The following GRIK2 variants were observed in gnomAD, a reference collection of about 807,000 sequenced individuals.
GRIK2 encodes the protein glutamate receptor ionotropic, kainate 2.
In GRIK2, 32 loss-of-function variants were observed where a neutral mutation model predicts 100.3. The ratio of observed to expected loss-of-function variants is 0.32; its 90% confidence interval spans 0.24 to 0.43. The LOEUF (loss-of-function observed/expected upper bound fraction) is 0.43, where lower values mean the gene tolerates loss of function less well. Among genes scored for constraint, GRIK2 ranks in the 20% least tolerant of loss-of-function variants. GRIK2 has a pLI of 1.00. For synonymous variants in GRIK2, 417 were observed against 389.4 expected, an observed-to-expected ratio of 1.07 and a Z score of -0.83; for missense variants, 843 against 1,114.9, an observed-to-expected ratio of 0.76 and a Z score of 3.47.
intron 7 of GRIK2, among the ~76,000 whole-genome samples, chr6:101,774,710 A>G (rs1778631966): frequency 6.6e-6 from 1 of 152,186 alleles, no homozygotes; most frequent in Admixed American, 6.5e-5. Flanking sequence ...AATCATTTAT[A>G]TTTAAAAAGT....
intron 4 of GRIK2, among the ~76,000 whole-genome samples, chr6:101,667,203 G>C (rs1032830753): frequency 6.6e-6 from 1 of 152,110 alleles, no homozygotes; most frequent in African/African-American, 2.4e-5. Flanking sequence ...CTACAAAAGG[G>C]TGTCTAGTTA....
At chr6:101,479,824 A>G (rs1172914931) in intron 2 of GRIK2, among the ~76,000 whole-genome samples, 2 of 152,128 alleles carry the variant, frequency 1.3e-5, no homozygotes, top group African/African-American at 4.8e-5. Flanking sequence ...GTCATTTTCA[A>G]TGTTTCTTTA....
At chr6:101,669,378 C>T (rs1420946948) in intron 4 of GRIK2, among the ~76,000 whole-genome samples, 6 of 152,040 alleles carry the variant, frequency 3.9e-5, no homozygotes, top group East Asian at 1.9e-4. Flanking sequence ...CAAATCAAAG[C>T]GTCCATTGAT....
chr6:101,850,884 G>T lies in GRIK2; in HGVS notation c.1318-8403G>T, dbSNP rs527866881. Among the ~76,000 whole-genome samples the T allele has an allele frequency of 1.6e-4, 25 of 152,078 alleles. No individual in the cohort carries two copies. In the South Asian group the frequency reaches 4.1e-3, roughly 25 times the overall value. On this transcript the variant is annotated intron_variant, in intron 10 of 16. Coordinates refer to ENST00000369134, the MANE Select transcript of GRIK2 (RefSeq NM_021956.5). ...GAACTTGGTATGTGATGCAGTAATT[G>T]CTTTTGGTACCATTTTTCTTCTCTT...
Position 102,025,317 on chromosome 6 carries a change from C to T in GRIK2, c.2086-10024C>T, listed in dbSNP as rs1769636453. On this transcript the variant is annotated intron_variant, in intron 14 of 16. Coordinates refer to ENST00000369134, the MANE Select transcript of GRIK2 (RefSeq NM_021956.5). ...TCCTTGCATTAATGGAGGTTTTCTT[C>T]TAGTAGGAAGAGAGAGAAATTGAAC... 4.0e-5 allele frequency among the ~76,000 whole-genome samples: 6 copies of T among 150,604 alleles called. No homozygotes were observed. The South Asian group carries it at 1.2e-3, about 31-fold the overall frequency.
At chr6:101,407,797 A>G (rs951725730) in intron 2 of GRIK2, among the ~76,000 whole-genome samples, 2 of 152,188 alleles carry the variant, frequency 1.3e-5, no homozygotes, top group Non-Finnish European at 2.9e-5. Context: ...GTTAAAGAGA[A>G]AAGATATGTA....
chr6:101,903,542 G>A (rs1323221174), intron 12 of GRIK2, among the ~76,000 whole-genome samples: 1 of 151,674 alleles, frequency 6.6e-6, no homozygotes, highest in Non-Finnish European at 1.5e-5. Flanking sequence ...GTAAGTGCAA[G>A]TATTTCATGT....
intron 7 of GRIK2, among the ~76,000 whole-genome samples, chr6:101,688,840 T>C (rs540476380): frequency 3.9e-4 from 60 of 152,072 alleles, no homozygotes; most frequent in African/African-American, 1.4e-3. Context: ...TGCAGATTGA[T>C]TTTGTTTTTA....
At chr6:101,604,277 TATAAC>T (rs1187127127) in intron 2 of GRIK2, among the ~76,000 whole-genome samples, 4 of 151,690 alleles carry the variant, frequency 2.6e-5, no homozygotes, top group African/African-American at 7.2e-5. Context: ...AAAATAGAAA[TATAAC>T]ATATAATATA....
chr6:101,571,994 A>G (rs1777561227), intron 2 of GRIK2, among the ~76,000 whole-genome samples: 1 of 152,134 alleles, frequency 6.6e-6, no homozygotes, highest in South Asian at 2.1e-4. Flanking sequence ...TCTTCAAACC[A>G]GTGTTCTTAT....
intron 7 of GRIK2, among the ~76,000 whole-genome samples, chr6:101,768,139 A>G (rs1778151084): frequency 6.6e-6 from 1 of 152,146 alleles, no homozygotes; most frequent in Non-Finnish European, 1.5e-5. Context: ...GATTACAGGC[A>G]TGAGCCACTA....
At chr6:101,914,945 C>A (rs1266117701) in intron 12 of GRIK2, among the ~76,000 whole-genome samples, 1 of 151,516 alleles carries the variant, frequency 6.6e-6, no homozygotes, top group African/African-American at 2.4e-5. Flanking sequence ...CAAAACATCA[C>A]CATATCATTT....
chr6:101,400,884 A>G (rs144565116), intron 2 of GRIK2, among the ~76,000 whole-genome samples: 2 of 152,146 alleles, frequency 1.3e-5, no homozygotes, highest in Non-Finnish European at 2.9e-5. Context: ...ATGCCTTTAG[A>G]TGGTACTTAA....
At chr6:101,834,318 TCTTC>T (rs1782914257) in intron 10 of GRIK2, among the ~76,000 whole-genome samples, 2 of 152,144 alleles carry the variant, frequency 1.3e-5, no homozygotes, top group African/African-American at 4.8e-5. Flanking sequence ...TTAGCCATTT[TCTTC>T]CTTCCTACTT....
intron 2 of GRIK2, among the ~76,000 whole-genome samples, chr6:101,577,520 A>G (rs1475196411): frequency 6.6e-6 from 1 of 152,090 alleles, no homozygotes; most frequent in Non-Finnish European, 1.5e-5. Flanking sequence ...CTATAATTCT[A>G]TGAGCCTTCA....
At chr6:101,548,771 C>T (rs1776372648) in intron 2 of GRIK2, among the ~76,000 whole-genome samples, 1 of 152,138 alleles carries the variant, frequency 6.6e-6, no homozygotes, top group African/African-American at 2.4e-5. Flanking sequence ...CTAGTCAAAG[C>T]ACTTTACATT....
intron 14 of GRIK2, among the ~76,000 whole-genome samples, chr6:102,016,312 A>G (rs2114341084): frequency 6.6e-6 from 1 of 152,294 alleles, no homozygotes; most frequent in African/African-American, 2.4e-5. Flanking sequence ...CCAATCTGAT[A>G]AAGCTGAAAA....
At chr6:101,793,744 C>G (rs1780072169) in intron 7 of GRIK2, among the ~76,000 whole-genome samples, 2 of 152,158 alleles carry the variant, frequency 1.3e-5, no homozygotes, top group Non-Finnish European at 2.9e-5. Flanking sequence ...TCAAAGCTGT[C>G]AGACAGGGAC....
chr6:101,611,085 T>C (rs1779655254), intron 2 of GRIK2, among the ~76,000 whole-genome samples: 1 of 151,800 alleles, frequency 6.6e-6, no homozygotes, highest in Admixed American at 6.6e-5. Context: ...ATTTTAATGG[T>C]CCATTTATAG....
Sources: allele counts gnomAD v4.1 joint callset (sites outside exome capture counted in the v4.1 genomes callset), GRCh38; gene constraint gnomAD v4.1.1; transcripts MANE v1.5; gene names NCBI Gene and HGNC (gene_info 2026-07-23, HGNC 2026-07-21).